Variants in ATG10 observed in about 807,000 individuals in gnomAD.
ATG10 encodes the protein autophagy related 10.
A neutral mutation model predicts 32.1 loss-of-function variants in ATG10; 30 were observed. The ratio of observed to expected loss-of-function variants is 0.94; its 90% CI spans 0.70 to 1.27. The LOEUF is 1.27. Ranked by LOEUF, ATG10 falls within the 50% of genes most tolerant of loss-of-function variation. The pLI, the probability that ATG10 is intolerant of heterozygous loss-of-function variation, is 0.00. For synonymous variants in ATG10, 87 were observed against 91.5 expected, an observed-to-expected ratio of 0.95 and a Z score of 0.28; for missense variants, 233 against 262.3, an observed-to-expected ratio of 0.89 and a Z score of 0.77.
intron 4 of ATG10, among the ~76,000 whole-genome samples, chr5:82,167,507 G>A (rs796690096): frequency 6.6e-6 from 1 of 152,174 alleles, no homozygotes; most frequent in African/African-American, 2.4e-5. Context: ...TTGTGATGGT[G>A]CCTACTTCAA....
intron 2 of ATG10, among the ~76,000 whole-genome samples, chr5:81,989,070 C>T (rs1393423026): frequency 6.6e-6 from 1 of 152,060 alleles, no homozygotes. Flanking sequence ...GACCTTAAGC[C>T]ACCCTGCCTC....
At chr5:82,078,882 G>A (rs1348969516) in intron 3 of ATG10, among the ~76,000 whole-genome samples, 3 of 152,172 alleles carry the variant, frequency 2.0e-5, no homozygotes, top group Non-Finnish European at 4.4e-5. Flanking sequence ...AATTGCAGAG[G>A]CTATTTAGAG....
intron 3 of ATG10, among the ~76,000 whole-genome samples, chr5:82,138,793 T>G (rs1298326196): frequency 2.0e-5 from 3 of 151,378 alleles, no homozygotes; most frequent in Non-Finnish European, 2.9e-5. Flanking sequence ...TTTGTTTTGG[T>G]AAGAACAAAA....
rs543260595 is a variant in ATG10, at chr5:82,083,868, G to T, written c.216+25266G>T. On this transcript the variant is annotated intron_variant, in intron 3 of 7. Transcript: ENST00000282185. ...CAAAGGTAGATAAAACCACAAAGAT[G>T]CAGAGAAACAAGAGCAGAAAAGCTG... Among the ~76,000 whole-genome samples, 4 of 152,330 alleles carry T rather than the reference G, an allele frequency of 2.6e-5. No homozygotes were observed. The South Asian group carries it at 6.2e-4, about 24-fold the overall frequency.
chr5:82,180,242 T>C (rs1162997298), intron 5 of ATG10, among the ~76,000 whole-genome samples: 3 of 152,174 alleles, frequency 2.0e-5, no homozygotes, highest in Non-Finnish European at 4.4e-5. Context: ...TCTTGCCAAA[T>C]ATGGTTATTC....
intron 2 of ATG10, among the ~76,000 whole-genome samples, chr5:82,034,047 ATT>A (rs1437393416): frequency 6.7e-6 from 1 of 149,050 alleles, no homozygotes; most frequent in Non-Finnish European, 1.5e-5. Flanking sequence ...CACTATATAT[ATT>A]GTGTGTATAT....
Position 82,178,506 on chromosome 5 carries a change from T to C in ATG10, c.372T>C (p.Thr124=), listed in dbSNP as rs1308549189. 14 of 1,610,430 alleles carry C rather than the reference T, an allele frequency of 8.7e-6. No homozygotes were observed. Among genetic ancestry groups the C allele is most frequent in the Non-Finnish European group, 1.2e-5 (14 of 1,177,116 alleles). The stretch of plus-strand genomic sequence containing the variant: ...CTTTCACAGATGGGAGACCTTTAAC[T>C]CTGAAGGACATATGGGAAGGAGTTC... The part of the protein sequence containing the change: ...RASFLDGRPL[T]LKDIWEGVHE... The change falls in exon 5 of 8, where the codon ACT becomes ACC. Residue 124 remains threonine (T), a synonymous_variant. Coordinates refer to ENST00000282185, the MANE Select transcript of ATG10 (RefSeq NM_031482.5).
At chr5:82,131,609 G>T (rs1424240408) in intron 3 of ATG10, among the ~76,000 whole-genome samples, 1 of 150,650 alleles carries the variant, frequency 6.6e-6, no homozygotes, top group Non-Finnish European at 1.5e-5. Flanking sequence ...CCAACTTATG[G>T]AGGAGAGAAA....
chr5:82,218,792 T>G, intron 5 of ATG10, among the ~76,000 whole-genome samples: 1 of 152,224 alleles, frequency 6.6e-6, no homozygotes, highest in East Asian at 1.9e-4. Flanking sequence ...AGCTCTTTGA[T>G]ATACTGTTGT....
At chr5:82,091,897 T>A (rs1451537632) in intron 3 of ATG10, among the ~76,000 whole-genome samples, 2 of 152,184 alleles carry the variant, frequency 1.3e-5, no homozygotes, top group Non-Finnish European at 2.9e-5. Flanking sequence ...ACCAGTAAAA[T>A]CATATTACAG....
At chr5:81,994,180 T>C (rs1273003910) in intron 2 of ATG10, among the ~76,000 whole-genome samples, 1 of 152,176 alleles carries the variant, frequency 6.6e-6, no homozygotes, top group Non-Finnish European at 1.5e-5. Context: ...TCTATATGAT[T>C]TTTTTTCTTT....
chr5:82,151,867 A>G (rs577901815), intron 3 of ATG10, among the ~76,000 whole-genome samples: 9 of 152,288 alleles, frequency 5.9e-5, no homozygotes, highest in Admixed American at 5.9e-4. Flanking sequence ...AGAGAAGGGG[A>G]TTGAAATATG....
At chr5:81,980,028 C>T (rs1441991856) in intron 1 of ATG10, among the ~76,000 whole-genome samples, 3 of 152,140 alleles carry the variant, frequency 2.0e-5, no homozygotes, top group African/African-American at 4.8e-5. Context: ...TGTGCTTATA[C>T]ACTGAAACAC....
chr5:82,248,768 A>G (rs1164582355), intron 5 of ATG10, among the ~76,000 whole-genome samples: 1 of 152,252 alleles, frequency 6.6e-6, no homozygotes, highest in African/African-American at 2.4e-5. Context: ...TAAGCTGATC[A>G]GCATATTATA....
chr5:82,121,053 A>G (rs1766022420), intron 3 of ATG10, among the ~76,000 whole-genome samples: 1 of 152,206 alleles, frequency 6.6e-6, no homozygotes, highest in African/African-American at 2.4e-5. Context: ...TAACCCTACC[A>G]TGGACCCAGG....
intron 5 of ATG10, among the ~76,000 whole-genome samples, chr5:82,227,902 T>C (rs1302327901): frequency 4.6e-5 from 7 of 152,192 alleles, no homozygotes; most frequent in African/African-American, 1.7e-4. Context: ...TAAAAGCATG[T>C]ACTATATAAA....
At chr5:82,053,219 A>G (rs1447233608) in intron 2 of ATG10, among the ~76,000 whole-genome samples, 1 of 151,960 alleles carries the variant, frequency 6.6e-6, no homozygotes, top group African/African-American at 2.4e-5. Flanking sequence ...TTTAATTTGC[A>G]TTTTTCTTAT....
At chr5:82,029,021 T>C (rs140603840) in intron 2 of ATG10, among the ~76,000 whole-genome samples, 48 of 152,334 alleles carry the variant, frequency 3.2e-4, no homozygotes, top group African/African-American at 1.1e-3. Context: ...AAGGAAGAGA[T>C]ACATTATTGG....
chr5:82,036,655 A>G (rs1455848433), intron 2 of ATG10, among the ~76,000 whole-genome samples: 1 of 152,050 alleles, frequency 6.6e-6, no homozygotes, highest in African/African-American at 2.4e-5. Context: ...TTAATTCTAC[A>G]TTTTTAAATT....
Sources: allele counts gnomAD v4.1 joint callset (sites outside exome capture counted in the v4.1 genomes callset), GRCh38; gene constraint gnomAD v4.1.1; transcripts MANE v1.5; gene names NCBI Gene and HGNC (gene_info 2026-07-23, HGNC 2026-07-21).